MYSM1: variants seen among roughly 807,000 people sequenced by gnomAD.
MYSM1 encodes Myb like, SWIRM and MPN domains 1.
MYSM1 carries 51 observed loss-of-function variants against 116.0 expected under a neutral mutation model. The observed-to-expected ratio is 0.44, with a 90% CI of 0.35 to 0.56. The LOEUF is 0.56. Among genes scored for constraint, MYSM1 ranks in the 20% least tolerant of loss-of-function variants. MYSM1 has a pLI of 0.00. For missense variants in MYSM1, 900 were observed against 974.9 expected (o/e 0.92, Z 1.02); for synonymous variants, 313 against 315.2 (o/e 0.99, Z 0.07).
rs868194608 is a variant in MYSM1, at chr1:58,679,739, G to T, written c.1259+2046C>A. Among the ~76,000 whole-genome samples, 13 of 152,292 alleles carry T rather than the reference G, an allele frequency of 8.5e-5. No homozygotes were observed. In the Middle Eastern group the frequency reaches 0.014, roughly 159 times the overall value. The stretch of plus-strand genomic sequence containing the variant: ...CTCCAAAAGCACGGGGATGAAAATT[G>T]TGAGTCAGCCGGGCGTGGTGGCTCA... On this transcript the variant is annotated intron_variant, in intron 8 of 19. Coordinates refer to ENST00000472487, the MANE Select transcript of MYSM1 (RefSeq NM_001085487.3).
chr1:58,672,355 C>T (rs765644718), intron 11 of MYSM1, among the ~76,000 whole-genome samples: 2 of 152,098 alleles, frequency 1.3e-5, no homozygotes, highest in African/African-American at 4.8e-5. Flanking sequence ...TCTAGAATGT[C>T]TGGCCCAGTT....
rs1246448918 is a variant in MYSM1, at chr1:58,682,678, CGCTTTTCTTTTTTT to C, written c.499-147_499-134del. On this transcript the variant is annotated intron_variant, in intron 7 of 19. Transcript: ENST00000472487. The stretch of plus-strand genomic sequence containing the variant: ...TAAATGGTACATTATACCTCTAATG[CGCTTTTCTTTTTTT>C]TCTTTTCTTTTTTTTTTTTTTGAGA... 3.0e-4 allele frequency: 232 copies of C among 763,682 alleles called. 3 individuals are homozygous for C. In the South Asian group the frequency reaches 5.3e-3, roughly 17 times the overall value. 47.3% of individuals were successfully genotyped at this position (763,682 alleles called of 1,614,324 possible).
intron 11 of MYSM1, among the ~76,000 whole-genome samples, chr1:58,673,070 T>C (rs1256581479): frequency 6.6e-6 from 1 of 152,218 alleles, no homozygotes; most frequent in African/African-American, 2.4e-5. Context: ...ATTATTATTA[T>C]TCACAATTCG....
chr1:58,699,512 A>T, intron 1 of MYSM1: 2 of 519,428 alleles, frequency 3.9e-6, no homozygotes, highest in Non-Finnish European at 4.9e-6. Context: ...TGGCCCATTT[A>T]AGTCAACCTG....
chr1:58,685,866 T>A (rs1020859677), intron 6 of MYSM1, among the ~76,000 whole-genome samples: 2 of 152,250 alleles, frequency 1.3e-5, no homozygotes, highest in Non-Finnish European at 2.9e-5. Context: ...AGAGTTTCTC[T>A]TGCATATGTA....
At chr1:58,675,630 T>C in intron 9 of MYSM1, 50 bp from the exon 10 acceptor site, 1 of 1,425,906 alleles carries the variant, frequency 7.0e-7, no homozygotes, top group Non-Finnish European at 9.8e-7. Context: ...GTGAAACTCA[T>C]TTGTTAAACA....
chr1:58,680,824 A>ATTTT (rs11460082), intron 8 of MYSM1, among the ~76,000 whole-genome samples: 1 of 145,764 alleles, frequency 6.9e-6, no homozygotes, highest in African/African-American at 2.5e-5. Flanking sequence ...TTTAAAAATA[A>ATTTT]TTTTTTTTTT....
Position 58,660,084 on chromosome 1 carries a change from T to G in MYSM1, c.2400A>C (p.Glu800Asp). The part of the protein sequence containing the change: ...NCFMAEEFLT[E>D]IENLFLSNYK... The stretch of plus-strand genomic sequence containing the variant: ...AATTGGAAAGGAACAAATTTTCTAT[T>G]TCAGTCAAGAATTCTTCAGCCATAA... The change falls in exon 20 of 20, where the codon GAA becomes GAC. Residue 800 changes from glutamate (E) to aspartate (D), a missense_variant. Glu to Asp is a conservative substitution (Grantham distance 45). Around this residue, in one of 3 missense-constraint regions of MYSM1, gnomAD observed 186 missense variants for 196.2 expected, o/e 0.95. Transcript: ENST00000472487. 1 of 1,611,454 alleles carries G rather than the reference T, an allele frequency of 6.2e-7. No homozygotes were observed. Among genetic ancestry groups the G allele is most frequent in the South Asian group, 1.1e-5 (1 of 90,792 alleles).
chr1:58,677,224 GAAATA>G (rs1163231135), intron 8 of MYSM1, among the ~76,000 whole-genome samples, 168 bp from the exon 9 acceptor site: 5 of 151,780 alleles, frequency 3.3e-5, no homozygotes, highest in African/African-American at 7.3e-5. Context: ...CTTTTTTTCT[GAAATA>G]AAATATCCTT....
At chr1:58,688,561 CA>C (rs57437493) in intron 6 of MYSM1, among the ~76,000 whole-genome samples, 15 of 142,656 alleles carry the variant, frequency 1.1e-4, no homozygotes, top group Admixed American at 2.8e-4. Context: ...GACATTCACG[CA>C]AAAAAAAAAT....
chr1:58,693,001 G>A, intron 2 of MYSM1, 70 bp from the exon 3 acceptor site: 2 of 1,199,068 alleles, frequency 1.7e-6, no homozygotes, highest in African/African-American at 1.5e-5. Flanking sequence ...TTTTGGTAAA[G>A]AAAAATACAT....
intron 10 of MYSM1, 120 bp downstream of exon 10, chr1:58,675,357 G>T: frequency 1.4e-6 from 1 of 690,506 alleles, no homozygotes; most frequent in South Asian, 2.0e-5. Flanking sequence ...TGAAACACAA[G>T]AGGAAACATG....
At chr1:58,672,803 T>C (rs1404134777) in intron 11 of MYSM1, among the ~76,000 whole-genome samples, 1 of 152,128 alleles carries the variant, frequency 6.6e-6, no homozygotes, top group Non-Finnish European at 1.5e-5. Context: ...CTTACAATTC[T>C]TGGGACCAAC....
chr1:58,687,733 G>A (rs1644848108), intron 6 of MYSM1, among the ~76,000 whole-genome samples: 1 of 152,128 alleles, frequency 6.6e-6, no homozygotes. Flanking sequence ...CCGGAACAAG[G>A]GCCAGAACTG....
chr1:58,663,068 G>T (rs1041300316), intron 17 of MYSM1, among the ~76,000 whole-genome samples: 2 of 152,074 alleles, frequency 1.3e-5, no homozygotes, highest in Admixed American at 1.3e-4. Flanking sequence ...TCATTTTACA[G>T]ATGTAGCAAA....
chr1:58,688,708 A>G (rs1315260933), intron 6 of MYSM1, among the ~76,000 whole-genome samples: 2 of 151,400 alleles, frequency 1.3e-5, no homozygotes, highest in Non-Finnish European at 2.9e-5. Flanking sequence ...AAAAAAAAAG[A>G]GATTACTAAA....
At chr1:58,666,582 T>TC (rs925240809) in intron 16 of MYSM1, among the ~76,000 whole-genome samples, 4 of 150,134 alleles carry the variant, frequency 2.7e-5, no homozygotes, top group South Asian at 2.1e-4. Context: ...TTTTCTTTTT[T>TC]TTTTTTTTGG....
chr1:58,687,188 G>A (rs1183806753), intron 6 of MYSM1, among the ~76,000 whole-genome samples: 2 of 152,058 alleles, frequency 1.3e-5, no homozygotes, highest in African/African-American at 4.8e-5. Flanking sequence ...ATAATTCCAT[G>A]CTTGTTGTGT....
At chr1:58,667,678 T>G (rs1426098752) in intron 15 of MYSM1, among the ~76,000 whole-genome samples, 169 bp downstream of exon 15, 1 of 152,192 alleles carries the variant, frequency 6.6e-6, no homozygotes, top group East Asian at 1.9e-4. Context: ...GCTAGGCATA[T>G]AGAATGTTAA....
Sources: gnomAD v4.1 joint callset for allele counts (sites outside exome capture counted in the v4.1 genomes callset) on GRCh38, gnomAD v4.1.1 for gene constraint, gnomAD v4.1.1 regional missense constraint, MANE v1.5 for transcripts, NCBI Gene and HGNC (gene_info 2026-07-23, HGNC 2026-07-21) for gene names.